Variants in PTTG1IP2 observed in about 807,000 individuals in gnomAD.
The protein encoded by PTTG1IP2 is PTTG1IP family member 2.
At chr7:90,472,279 AACACACAC>A (rs144907444) in intron 1 of PTTG1IP2, among the ~76,000 whole-genome samples, 21,700 of 137,844 alleles carry the variant, frequency 0.16, 1,724 homozygotes, top group East Asian at 0.25. Context: ...ATAGCATGCA[AACACACAC>A]ACACACACAC....
intron 6 of PTTG1IP2, among the ~76,000 whole-genome samples, chr7:90,506,574 G>A (rs1466978970): frequency 6.6e-6 from 1 of 152,098 alleles, no homozygotes; most frequent in Non-Finnish European, 1.5e-5. Flanking sequence ...ACCAGTCTGA[G>A]CAACATGATG....
At chr7:90,476,708 G>A (rs1797751485) in intron 1 of PTTG1IP2, among the ~76,000 whole-genome samples, 1 of 152,054 alleles carries the variant, frequency 6.6e-6, no homozygotes, top group African/African-American at 2.4e-5. Flanking sequence ...ATATTGACAT[G>A]TAGTACAGTA....
chr7:90,488,462 C>G (rs1240262918), intron 3 of PTTG1IP2, among the ~76,000 whole-genome samples: 2 of 152,038 alleles, frequency 1.3e-5, no homozygotes, highest in African/African-American at 2.4e-5. Flanking sequence ...TTGGTTGTCT[C>G]TTTGGTAATG....
chr7:90,472,599 A>T (rs1431954618), intron 1 of PTTG1IP2, among the ~76,000 whole-genome samples: 1 of 152,124 alleles, frequency 6.6e-6, no homozygotes, highest in Admixed American at 6.5e-5. Flanking sequence ...CACATACTCT[A>T]AGCTTACTTA....
At chr7:90,474,082 A>AC (rs946965179) in intron 1 of PTTG1IP2, among the ~76,000 whole-genome samples, 20 of 152,192 alleles carry the variant, frequency 1.3e-4, no homozygotes, top group African/African-American at 4.8e-4. Context: ...GTGTACTTAC[A>AC]CAAACCTAGA....
chr7:90,486,467 C>CTTTTTTTTTTT (rs532687452), intron 2 of PTTG1IP2, among the ~76,000 whole-genome samples: 1 of 119,222 alleles, frequency 8.4e-6, no homozygotes, highest in Non-Finnish European at 1.7e-5. Context: ...CTTTGTCTTC[C>CTTTTTTTTTTT]TTTTTTTTTT....
At chr7:90,493,254 G>A (rs1797959449) in intron 5 of PTTG1IP2, among the ~76,000 whole-genome samples, 1 of 152,166 alleles carries the variant, frequency 6.6e-6, no homozygotes, top group Non-Finnish European at 1.5e-5. Flanking sequence ...AAATCTGGAT[G>A]AGAAACAGGG....
chr7:90,483,633 T>A (rs1797838172), intron 2 of PTTG1IP2, among the ~76,000 whole-genome samples: 1 of 152,190 alleles, frequency 6.6e-6, no homozygotes, highest in Non-Finnish European at 1.5e-5. Context: ...CAGTGTGATT[T>A]AATCCTTAGC....
At chr7:90,503,720 G>A (rs1204041141) in intron 6 of PTTG1IP2, among the ~76,000 whole-genome samples, 1 of 152,184 alleles carries the variant, frequency 6.6e-6, no homozygotes, top group Non-Finnish European at 1.5e-5. Context: ...TCTTATGGGT[G>A]CAGTTTGTGG....
intron 1 of PTTG1IP2, 76 bp downstream of exon 1, chr7:90,470,007 G>A (rs1797662882): frequency 6.6e-6 from 1 of 152,602 alleles, no homozygotes; most frequent in South Asian, 2.1e-4. Flanking sequence ...TGCCATCCTG[G>A]TGCACTGGAA....
At position 90,500,989 on chromosome 7, in the gene PTTG1IP2, G is replaced by A. The variant is rs12668987; in HGVS notation, c.*50+6559G>A. The stretch of plus-strand genomic sequence containing the variant: ...AGCATACTCCTCCTTTACTTCGTTA[G>A]CATTTTCTTTAGACCCTAAGTAAAC... On this transcript the variant is annotated intron_variant, in intron 6 of 6. Coordinates refer to ENST00000509356, the MANE Select transcript of PTTG1IP2 (RefSeq NM_001365443.2). 2.2e-3 allele frequency among the ~76,000 whole-genome samples: 340 copies of A among 152,242 alleles called. 6 individuals carry two copies. The East Asian group carries it at 0.052, about 23-fold the overall frequency.
At chr7:90,499,379 G>A (rs1300171762) in intron 6 of PTTG1IP2, among the ~76,000 whole-genome samples, 1 of 151,832 alleles carries the variant, frequency 6.6e-6, no homozygotes, top group Admixed American at 6.6e-5. Context: ...TTAATTTGTT[G>A]TCTTCCTATG....
chr7:90,513,373 T>G lies in PTTG1IP2; in HGVS notation c.*146T>G, dbSNP rs1798210664. On this transcript the variant is annotated 3_prime_UTR_variant, in exon 7 of 7. Transcript: ENST00000509356. Reference sequence around the variant, plus strand: ...TAAAATTTTAAATTCTATTAAACATTTTTTCGAGTATTTCATTACTTTTAC... The same window carrying G: ...TAAAATTTTAAATTCTATTAAACATGTTTTCGAGTATTTCATTACTTTTAC... The G allele has an allele frequency of 6.6e-6, 1 of 152,630 alleles. No individual in the cohort carries two copies. The highest frequency in any genetic ancestry group is 1.5e-5 in the Non-Finnish European group (1 of 68,042). The allele number at this position is 152,630 out of a possible 1,614,324, so 9.5% of individuals were successfully genotyped here. A position where few individuals can be genotyped will look rare whatever the true frequency, so the allele number is the denominator to read the frequency against.
chr7:90,496,764 C>T (rs1797996488), intron 6 of PTTG1IP2, among the ~76,000 whole-genome samples: 1 of 151,872 alleles, frequency 6.6e-6, no homozygotes, highest in African/African-American at 2.4e-5. Context: ...TTTTTCTAGT[C>T]CTTTGATGTG....
At chr7:90,481,456 T>C (rs1211138120) in intron 2 of PTTG1IP2, among the ~76,000 whole-genome samples, 1 of 152,188 alleles carries the variant, frequency 6.6e-6, no homozygotes, top group African/African-American at 2.4e-5. Flanking sequence ...GCCCAAATAC[T>C]ACCTATCACT....
intron 6 of PTTG1IP2, among the ~76,000 whole-genome samples, chr7:90,513,033 A>G (rs1420336894): frequency 6.6e-6 from 1 of 152,210 alleles, no homozygotes; most frequent in Non-Finnish European, 1.5e-5. Context: ...TAAATCGTTT[A>G]TGTTAGTTTG....
rs1053085099 is a variant in PTTG1IP2, at chr7:90,483,042, T to TTG, written c.192+3783_192+3784dup. 3.8e-3 allele frequency among the ~76,000 whole-genome samples: 578 copies of TTG among 151,174 alleles called. 4 individuals are homozygous for TTG. The highest frequency in any genetic ancestry group is 0.013 in the African/African-American group (524 of 41,258). Reference sequence around the variant, plus strand: ...CTTTGATATTTATTTTTCTGAAAAATTGTGTGTGTGTGTGTGGTAGGGCAT... The same window carrying TTG: ...CTTTGATATTTATTTTTCTGAAAAATTGTGTGTGTGTGTGTGTGGTAGGGCAT... On this transcript the variant is annotated intron_variant, in intron 2 of 6. Transcript: ENST00000509356.
At chr7:90,506,044 C>T (rs2116123553) in intron 6 of PTTG1IP2, among the ~76,000 whole-genome samples, 1 of 148,658 alleles carries the variant, frequency 6.7e-6, no homozygotes. Context: ...TCTCATTTCA[C>T]TCACCAGCTT....
chr7:90,495,627 G>C (rs549002026), intron 6 of PTTG1IP2, among the ~76,000 whole-genome samples: 3 of 152,294 alleles, frequency 2.0e-5, no homozygotes, highest in Admixed American at 1.3e-4. Flanking sequence ...TTAATAGGAG[G>C]GAGAGGGAGG....
Sources: gnomAD v4.1 joint callset for allele counts (sites outside exome capture counted in the v4.1 genomes callset) on GRCh38, gnomAD v4.1.1 for gene constraint, MANE v1.5 for transcripts, NCBI Gene and HGNC (gene_info 2026-07-23, HGNC 2026-07-21) for gene names.